GALNT18: variants seen among roughly 807,000 people sequenced by gnomAD.
GALNT18 encodes the protein polypeptide N-acetylgalactosaminyltransferase 18.
In GALNT18, 44 loss-of-function variants were observed where a neutral mutation model predicts 69.5. That is an observed-to-expected ratio of 0.63 (90% CI 0.50 to 0.81). GALNT18 has a LOEUF of 0.81. Among genes scored for constraint, GALNT18 ranks in the 40% least tolerant of loss-of-function variants. The probability of loss-of-function intolerance (pLI) is 0.00; values close to 1 mark genes in which losing one functional copy is unlikely to be tolerated. For synonymous variants in GALNT18, 364 were observed against 318.2 expected (o/e 1.14, Z -1.53); for missense variants, 715 against 810.0 (o/e 0.88, Z 1.42).
At position 11,332,947 on chromosome 11, in the gene GALNT18, AC is replaced by A; in HGVS notation, c.1279-117del. Reference sequence around the variant, plus strand: ...AAGATTCCTAGAGACTGGGGAAGGGACCATGTGGCACGTTAACTCTTGCATT... The same window carrying A: ...AAGATTCCTAGAGACTGGGGAAGGGACATGTGGCACGTTAACTCTTGCATT... On this transcript the variant is annotated intron_variant, in intron 7 of 10. Coordinates refer to ENST00000227756, the MANE Select transcript of GALNT18 (RefSeq NM_198516.3). The surrounding 1 kb of genome is among the most constrained non-coding windows in gnomAD (Gnocchi z 4.3). 1 of 1,099,022 alleles carries A rather than the reference AC, an allele frequency of 9.1e-7. No individual in the cohort carries two copies. Among genetic ancestry groups the A allele is most frequent in the Non-Finnish European group, 1.3e-6 (1 of 750,156 alleles). 68.1% of individuals were successfully genotyped at this position (1,099,022 alleles called of 1,614,324 possible).
At chr11:11,525,174 T>G (rs995243844) in intron 1 of GALNT18, among the ~76,000 whole-genome samples, 1 of 151,148 alleles carries the variant, frequency 6.6e-6, no homozygotes, top group Non-Finnish European at 1.5e-5. Context: ...GGAGGAGAGG[T>G]AGGAAAAACA....
rs1859566837 is a variant in GALNT18, at chr11:11,598,948, T to A, written c.235+22411A>T. ...ATTTCACGTGGCCAGAGAATGTACTTTGTTCATTTTAAAGGATGAGTTCAA... is the reference window on the plus strand; with the variant it reads ...ATTTCACGTGGCCAGAGAATGTACTATGTTCATTTTAAAGGATGAGTTCAA... On this transcript the variant is annotated intron_variant, in intron 1 of 10. Coordinates refer to ENST00000227756, the MANE Select transcript of GALNT18 (RefSeq NM_198516.3). The surrounding 1 kb of genome is among the most constrained non-coding windows in gnomAD (Gnocchi z 4.8). 6.6e-6 allele frequency among the ~76,000 whole-genome samples: 1 copy of A among 152,158 alleles called. No homozygotes were observed. Among genetic ancestry groups the A allele is most frequent in the African/African-American group, 2.4e-5 (1 of 41,440 alleles).
chr11:11,384,332 A>G (rs1046905435), intron 3 of GALNT18, among the ~76,000 whole-genome samples: 2 of 152,066 alleles, frequency 1.3e-5, no homozygotes, highest in African/African-American at 4.8e-5. Flanking sequence ...ACAGAAATTT[A>G]TTTCTTCACA....
chr11:11,572,387 C>A (rs1006812271), intron 1 of GALNT18, among the ~76,000 whole-genome samples: 9 of 152,168 alleles, frequency 5.9e-5, no homozygotes, highest in Non-Finnish European at 1.2e-4. Flanking sequence ...AAGCACTTTG[C>A]CTGAATAACT....
intron 10 of GALNT18, among the ~76,000 whole-genome samples, chr11:11,274,136 G>T (rs1222490088): frequency 6.6e-6 from 1 of 152,182 alleles, no homozygotes; most frequent in Admixed American, 6.5e-5. Flanking sequence ...GTACCGGGAG[G>T]AACAGTGCAC....
chr11:11,280,152 C>T (rs1317096992), intron 10 of GALNT18, among the ~76,000 whole-genome samples: 3 of 152,122 alleles, frequency 2.0e-5, no homozygotes, highest in African/African-American at 7.2e-5. Context: ...ACCCCCCGCC[C>T]GGGGAGTGCA....
At chr11:11,472,285 C>A (rs1856290477) in intron 1 of GALNT18, among the ~76,000 whole-genome samples, 1 of 152,162 alleles carries the variant, frequency 6.6e-6, no homozygotes, top group Non-Finnish European at 1.5e-5. Flanking sequence ...TTGCTCAGGA[C>A]AGGTCTGGGG....
At chr11:11,554,325 T>C (rs1858276294) in intron 1 of GALNT18, among the ~76,000 whole-genome samples, 1 of 151,996 alleles carries the variant, frequency 6.6e-6, no homozygotes, top group African/African-American at 2.4e-5. Flanking sequence ...GCATTATCAC[T>C]GAGTGGAGAG....
At chr11:11,527,216 G>A (rs1400726288) in intron 1 of GALNT18, among the ~76,000 whole-genome samples, 1 of 152,140 alleles carries the variant, frequency 6.6e-6, no homozygotes, top group Non-Finnish European at 1.5e-5. Context: ...GAGACGAGCA[G>A]CATCTGCTTC....
intron 9 of GALNT18, among the ~76,000 whole-genome samples, chr11:11,295,965 G>A (rs970825800): frequency 2.6e-5 from 4 of 152,046 alleles, no homozygotes; most frequent in Non-Finnish European, 4.4e-5. Context: ...GTGTGGCCTG[G>A]ATTTCCAGGT....
At chr11:11,429,927 TC>T (rs1230967595) in intron 3 of GALNT18, among the ~76,000 whole-genome samples, 3 of 152,006 alleles carry the variant, frequency 2.0e-5, no homozygotes, top group Non-Finnish European at 4.4e-5. Flanking sequence ...ATTGCTTGAG[TC>T]CAGGAGTTTG....
Position 11,606,204 on chromosome 11 carries a change from T to C in GALNT18, c.235+15155A>G, listed in dbSNP as rs79645931. Among the ~76,000 whole-genome samples the C allele has an allele frequency of 7.7e-3, 1,179 of 152,226 alleles. 13 individuals carry two copies. Among genetic ancestry groups the C allele is most frequent in the African/African-American group, 0.027 (1,124 of 41,518 alleles). On this transcript the variant is annotated intron_variant, in intron 1 of 10. Transcript: ENST00000227756. The surrounding 1 kb of genome is among the most constrained non-coding windows in gnomAD (Gnocchi z 5.4). ...GGCAGCTGGTTTATTTATTCATGTGTTTACTCAGCAAACTCCTACCTAGCC... is the reference window on the plus strand; with the variant it reads ...GGCAGCTGGTTTATTTATTCATGTGCTTACTCAGCAAACTCCTACCTAGCC...
intron 1 of GALNT18, among the ~76,000 whole-genome samples, chr11:11,503,901 C>G (rs994717210): frequency 8.5e-5 from 13 of 152,182 alleles, no homozygotes; most frequent in African/African-American, 2.9e-4. Flanking sequence ...TGCAGAAACC[C>G]CTTGTTCTCC....
rs916197424 is a variant in GALNT18 at position 11,461,248 on chromosome 11, G to A, written c.236-12312C>T. 6.6e-6 allele frequency among the ~76,000 whole-genome samples: 1 copy of A among 152,190 alleles called. No individual in the cohort carries two copies. The highest frequency in any genetic ancestry group is 2.4e-5 in the African/African-American group (1 of 41,452). Reference sequence around the variant, plus strand: ...GACTTCTGGGCCTGGGTGTGTCTGAGTGTGCGGCTAGGATGGCTGGTGCAG... The same window carrying A: ...GACTTCTGGGCCTGGGTGTGTCTGAATGTGCGGCTAGGATGGCTGGTGCAG... On this transcript the variant is annotated intron_variant, in intron 1 of 10. Transcript: ENST00000227756. The surrounding 1 kb of genome is among the most constrained non-coding windows in gnomAD (Gnocchi z 4.1).
intron 9 of GALNT18, among the ~76,000 whole-genome samples, chr11:11,301,790 G>A (rs189309723): frequency 6.6e-6 from 1 of 152,312 alleles, no homozygotes; most frequent in Admixed American, 6.5e-5. Context: ...TGGGCATTGG[G>A]AAAGCAGAGG....
chr11:11,548,865 C>T (rs963527420), intron 1 of GALNT18, among the ~76,000 whole-genome samples: 6 of 152,058 alleles, frequency 3.9e-5, no homozygotes, highest in Non-Finnish European at 8.8e-5. Flanking sequence ...AGATGTTTTC[C>T]TGGTGAACAA....
intron 1 of GALNT18, among the ~76,000 whole-genome samples, chr11:11,608,677 A>T (rs374357363): frequency 3.2e-4 from 49 of 152,184 alleles, no homozygotes; most frequent in African/African-American, 1.2e-3. Context: ...CTTCATTTCT[A>T]TGCTTGGGGA....
At chr11:11,433,387 C>T (rs150806431) in intron 2 of GALNT18, among the ~76,000 whole-genome samples, 2 of 152,368 alleles carry the variant, frequency 1.3e-5, no homozygotes, top group African/African-American at 4.8e-5. Context: ...GGACCAGGTC[C>T]AGTCTCATTT....
At chr11:11,452,961 G>A (rs1484782973) in intron 1 of GALNT18, among the ~76,000 whole-genome samples, 1 of 152,230 alleles carries the variant, frequency 6.6e-6, no homozygotes, top group African/African-American at 2.4e-5. Context: ...TCTGTGAGCT[G>A]CAAAGCCAGA....
Sources: allele counts gnomAD v4.1 joint callset (sites outside exome capture counted in the v4.1 genomes callset), GRCh38; gene constraint gnomAD v4.1.1; non-coding constraint Gnocchi (gnomAD v3.1); transcripts MANE v1.5; gene names NCBI Gene and HGNC (gene_info 2026-07-23, HGNC 2026-07-21).